The following USH2A variants were observed in gnomAD, a reference collection of about 807,000 sequenced individuals.
USH2A encodes Usher syndrome 2A (autosomal recessive, mild).
Under a neutral mutation model 538.9 loss-of-function variants are expected in USH2A, and 443 were observed. That is an observed-to-expected ratio of 0.82 (90% CI 0.76 to 0.89). USH2A has a LOEUF of 0.89. Ranked by LOEUF, USH2A falls within the 40% of genes least tolerant of loss-of-function variation. The probability of loss-of-function intolerance (pLI) is 0.00; values close to 1 mark genes in which losing one functional copy is unlikely to be tolerated. For missense variants in USH2A, 6,633 were observed against 6,324.8 expected, an observed-to-expected ratio of 1.05 and a Z score of -1.65; for synonymous variants, 2,413 against 2,273.5, an observed-to-expected ratio of 1.06 and a Z score of -1.75.
At chr1:215,715,760 A>G (rs1659463796) in intron 61 of USH2A, among the ~76,000 whole-genome samples, 1 of 152,166 alleles carries the variant, frequency 6.6e-6, no homozygotes, top group African/African-American at 2.4e-5. Context: ...TGTTTTTTAT[A>G]TTTTTAAAAC....
At chr1:215,951,225 A>G (rs1666904533) in intron 37 of USH2A, among the ~76,000 whole-genome samples, 1 of 152,024 alleles carries the variant, frequency 6.6e-6, no homozygotes, top group Admixed American at 6.6e-5. Flanking sequence ...ACTGCTTTGA[A>G]TGTGTCCCAG....
intron 21 of USH2A, among the ~76,000 whole-genome samples, chr1:216,132,981 C>T (rs190102743): frequency 5.3e-5 from 8 of 152,178 alleles, no homozygotes; most frequent in African/African-American, 1.9e-4. Context: ...TATCTTCATC[C>T]TCAAATTCCC....
chr1:215,877,755 C>A lies in USH2A; in HGVS notation c.8681+3G>T. ...TTTGTTTTTATAGTTTTTGTAATCT[C>A]ACCTGCTAAGACCCTTATCTTCATA... On this transcript the variant is annotated splice_donor_region_variant and intron_variant, in intron 43 of 71. Transcript: ENST00000307340. 6.2e-7 allele frequency: 1 copy of A among 1,613,526 alleles called. No homozygotes were observed. Among genetic ancestry groups the A allele is most frequent in the South Asian group, 1.1e-5 (1 of 91,044 alleles).
chr1:216,402,337 G>T (rs937439271), intron 3 of USH2A, among the ~76,000 whole-genome samples: 1 of 152,018 alleles, frequency 6.6e-6, no homozygotes, highest in Admixed American at 6.6e-5. Flanking sequence ...AGTTGTAAAA[G>T]AAAATTTTGA....
chr1:216,273,813 G>GA (rs71739884), intron 11 of USH2A, among the ~76,000 whole-genome samples: 363 of 115,766 alleles, frequency 3.1e-3, no homozygotes, highest in East Asian at 4.3e-3. Flanking sequence ...CTCCAATCCA[G>GA]AAAAAAAAAA....
In USH2A at chr1:215,935,271, G is replaced by T. The variant is rs1029781397; in HGVS notation, c.7121-476C>A. ...ATACGTATTATACTCAGACATATTT[G>T]TCAGATATTGTATATTTCACAAACT... On this transcript the variant is annotated intron_variant, in intron 37 of 71. Transcript: ENST00000307340. Among the ~76,000 whole-genome samples, 9 of 151,856 alleles carry T rather than the reference G, an allele frequency of 5.9e-5. No homozygotes were observed. The East Asian group carries it at 1.5e-3, about 26-fold the overall frequency.
chr1:215,689,811 T>G (rs774078688), intron 61 of USH2A, among the ~76,000 whole-genome samples: 4 of 152,152 alleles, frequency 2.6e-5, no homozygotes, highest in Non-Finnish European at 5.9e-5. Flanking sequence ...GTTTCTCCAT[T>G]CAAACCTCCG....
intron 64 of USH2A, among the ~76,000 whole-genome samples, chr1:215,669,659 A>G (rs1418362426): frequency 1.3e-5 from 2 of 152,210 alleles, no homozygotes; most frequent in Non-Finnish European, 2.9e-5. Flanking sequence ...ACTTGTGGTA[A>G]AGCAAGAAAA....
chr1:216,244,802 T>C (rs1366678852), intron 13 of USH2A, among the ~76,000 whole-genome samples: 1 of 152,214 alleles, frequency 6.6e-6, no homozygotes, highest in African/African-American at 2.4e-5. Context: ...CAAATGTTTG[T>C]AACTATGATT....
At chr1:216,403,573 G>C (rs2039343207) in intron 3 of USH2A, among the ~76,000 whole-genome samples, 4 of 152,118 alleles carry the variant, frequency 2.6e-5, no homozygotes, top group African/African-American at 9.7e-5. Flanking sequence ...GTTCAGCAAA[G>C]TTTTGAAATA....
chr1:216,138,641 A>G (rs2033536350), intron 21 of USH2A, among the ~76,000 whole-genome samples: 1 of 152,070 alleles, frequency 6.6e-6, no homozygotes, highest in Non-Finnish European at 1.5e-5. Context: ...CACTTGATGG[A>G]CTTTTAATTT....
At chr1:216,050,564 C>CTT (rs2030720961) in intron 30 of USH2A, among the ~76,000 whole-genome samples, 1 of 29,750 alleles carries the variant, frequency 3.4e-5, no homozygotes, top group Admixed American at 3.5e-4. Context: ...GTATCTTTTT[C>CTT]TTTCTTTCTT....
At chr1:215,989,416 C>T (rs987768181) in intron 35 of USH2A, among the ~76,000 whole-genome samples, 3 of 152,078 alleles carry the variant, frequency 2.0e-5, no homozygotes, top group East Asian at 1.9e-4. Context: ...TGTGCACCTC[C>T]CCACCTTGTG....
intron 32 of USH2A, among the ~76,000 whole-genome samples, chr1:216,044,206 T>C (rs1571912382): frequency 1.3e-5 from 2 of 152,100 alleles, no homozygotes; most frequent in East Asian, 1.9e-4. Flanking sequence ...AGGTAATCAG[T>C]AAGCATACGG....
intron 60 of USH2A, among the ~76,000 whole-genome samples, chr1:215,732,958 A>G (rs923153388): frequency 6.6e-6 from 1 of 151,924 alleles, no homozygotes; most frequent in Non-Finnish European, 1.5e-5. Flanking sequence ...ATATCCTTCT[A>G]TGTGCTACCT....
chr1:216,384,418 AT>A (rs554283651), intron 3 of USH2A, among the ~76,000 whole-genome samples: 196 of 152,234 alleles, frequency 1.3e-3, no homozygotes, highest in African/African-American at 4.0e-3. Context: ...CACTCATACT[AT>A]TTTGCCCATA....
At chr1:216,373,754 T>C (rs1295145168) in intron 3 of USH2A, among the ~76,000 whole-genome samples, 1 of 117,908 alleles carries the variant, frequency 8.5e-6, no homozygotes, top group African/African-American at 2.7e-5. Context: ...AATCACATGT[T>C]GCCTTTAGTT....
chr1:215,675,406 T>C lies in USH2A; in HGVS notation c.12505A>G (p.Thr4169Ala), dbSNP rs113107803. 334 of 1,614,162 alleles carry C rather than the reference T, an allele frequency of 2.1e-4. No individual in the cohort carries two copies. The African/African-American group carries it at 3.6e-3, about 18-fold the overall frequency. ...LAPTVHSVKS[T>A]SVELSWSEPV... Reference sequence around the variant, plus strand: ...TCAGACCAGCTCAGCTCAACACTGGTGGACTTCACAGAGTGGACAGTAGGA... The same window carrying C: ...TCAGACCAGCTCAGCTCAACACTGGCGGACTTCACAGAGTGGACAGTAGGA... Residue 4169 changes from threonine to alanine, a missense_variant, in exon 63 of 72, where the codon ACC becomes GCC. Coordinates refer to ENST00000307340, the MANE Select transcript of USH2A (RefSeq NM_206933.4).
Position 216,199,902 on chromosome 1 carries a change from A to C in USH2A, c.3536T>G (p.Ile1179Arg). 1.9e-6 allele frequency: 3 copies of C among 1,614,106 alleles called. No homozygotes were observed. Among genetic ancestry groups the C allele is most frequent in the Non-Finnish European group, 2.5e-6 (3 of 1,179,986 alleles). The change falls in exon 17 of 72, where the codon ATA becomes AGA. Residue 1179 changes from isoleucine to arginine, a missense_variant. Coordinates refer to ENST00000307340, the MANE Select transcript of USH2A (RefSeq NM_206933.4). ...GGCACAGGACAAAATATATTTCTCT[A>C]TGGGACCAGATTGATTTGAGAGTGT... ...WTTLSNQSGP[I>R]EKYILSCAPL...
Sources: allele counts gnomAD v4.1 joint callset (sites outside exome capture counted in the v4.1 genomes callset), GRCh38; gene constraint gnomAD v4.1.1; transcripts MANE v1.5; gene names NCBI Gene and HGNC (gene_info 2026-07-23, HGNC 2026-07-21).